The following CCDC146 variants were observed in gnomAD, a reference collection of about 807,000 sequenced individuals.
CCDC146 encodes the protein coiled-coil domain containing 146, also known as coiled-coil domain-containing protein 146.
Under a neutral mutation model 119.3 loss-of-function variants are expected in CCDC146, and 92 were observed. The observed-to-expected ratio is 0.77, with a 90% CI of 0.65 to 0.92. CCDC146 has a LOEUF of 0.92. Among genes scored for constraint, CCDC146 ranks in the 40% least tolerant of loss-of-function variants. CCDC146 has a pLI of 0.00. For missense variants in CCDC146, 1,000 were observed against 1,103.0 expected, an observed-to-expected ratio of 0.91 and a Z score of 1.32; for synonymous variants, 372 against 371.8, an observed-to-expected ratio of 1.00 and a Z score of -0.01.
chr7:77,195,322 T>G (rs1277611516), intron 2 of CCDC146: 1 of 152,224 alleles, frequency 6.6e-6, no homozygotes, highest in East Asian at 1.9e-4. Context: ...ATGAATTACC[T>G]TTAAACCCTG....
intron 9 of CCDC146, among the ~76,000 whole-genome samples, chr7:77,271,535 T>C (rs1381474813): frequency 7.1e-5 from 3 of 42,372 alleles, no homozygotes; most frequent in African/African-American, 5.1e-4. Flanking sequence ...TATATATATA[T>C]ATATATATAT....
chr7:77,178,134 C>G (rs545875412), intron 2 of CCDC146, among the ~76,000 whole-genome samples: 87 of 152,318 alleles, frequency 5.7e-4, no homozygotes, highest in African/African-American at 1.9e-3. Context: ...AAATTGTACA[C>G]TGCAGAAGAG....
At position 77,294,598 on chromosome 7, in the gene CCDC146, C is replaced by T. The variant is rs111272267; in HGVS notation, c.2665-65C>T. ...TCCAGACCAGCTGTGTCTTTTGGGACCTAAGGATAAAGTGACTTCACCAGA... is the reference window on the plus strand; with the variant it reads ...TCCAGACCAGCTGTGTCTTTTGGGATCTAAGGATAAAGTGACTTCACCAGA... On this transcript the variant is annotated intron_variant, in intron 18 of 18. Transcript: ENST00000285871. The T allele has an allele frequency of 6.7e-4, 1,008 of 1,503,546 alleles. 5 individuals are homozygous for T. The African/African-American group carries it at 0.012, about 18-fold the overall frequency. 93.1% of individuals were successfully genotyped at this position (1,503,546 alleles called of 1,614,324 possible).
intron 2 of CCDC146, among the ~76,000 whole-genome samples, chr7:77,219,803 G>A (rs892906493): frequency 1.3e-4 from 20 of 152,092 alleles, no homozygotes; most frequent in Admixed American, 2.6e-4. Context: ...CCCCTGAGCC[G>A]CAAAACCAGC....
intron 6 of CCDC146, 62 bp downstream of exon 6, chr7:77,256,571 T>G: frequency 1.8e-5 from 24 of 1,345,484 alleles, no homozygotes; most frequent in African/African-American, 2.9e-5. Flanking sequence ...AGTGTGTGGG[T>G]ATCAAGAGTA....
intron 2 of CCDC146, among the ~76,000 whole-genome samples, chr7:77,232,456 T>C (rs1294342743): frequency 6.6e-6 from 1 of 152,266 alleles, no homozygotes; most frequent in Non-Finnish European, 1.5e-5. Context: ...TCTATTAGCA[T>C]CACAAAACTA....
At chr7:77,153,969 G>A (rs966469398) in intron 1 of CCDC146, among the ~76,000 whole-genome samples, 3 of 151,692 alleles carry the variant, frequency 2.0e-5, no homozygotes, top group African/African-American at 4.9e-5. Context: ...AATACCATTC[G>A]GCAATTAAGA....
At chr7:77,178,652 T>A (rs1486259813) in intron 2 of CCDC146, among the ~76,000 whole-genome samples, 1 of 152,248 alleles carries the variant, frequency 6.6e-6, no homozygotes, top group African/African-American at 2.4e-5. Context: ...CATTGATTGT[T>A]TACTACTGTT....
intron 4 of CCDC146, among the ~76,000 whole-genome samples, chr7:77,248,286 A>C (rs1792992848): frequency 6.6e-6 from 1 of 152,196 alleles, no homozygotes; most frequent in Non-Finnish European, 1.5e-5. Context: ...GGAGGACAGA[A>C]GGAGGGTGAA....
At chr7:77,180,691 G>A (rs946025118) in intron 2 of CCDC146, among the ~76,000 whole-genome samples, 4 of 152,076 alleles carry the variant, frequency 2.6e-5, no homozygotes, top group Non-Finnish European at 4.4e-5. Context: ...GTGAGACCTC[G>A]TCTCAAAAAA....
intron 3 of CCDC146, among the ~76,000 whole-genome samples, 165 bp from the exon 4 acceptor site, chr7:77,241,526 G>A (rs1792848109): frequency 1.3e-5 from 2 of 152,026 alleles, no homozygotes; most frequent in South Asian, 4.1e-4. Flanking sequence ...TGAATCCACA[G>A]ATGTGGACTC....
intron 2 of CCDC146, among the ~76,000 whole-genome samples, chr7:77,224,953 C>T (rs575723704): frequency 6.6e-6 from 1 of 152,194 alleles, no homozygotes; most frequent in Non-Finnish European, 1.5e-5. Flanking sequence ...AGAGCAGAGA[C>T]TACTCTTTTG....
intron 11 of CCDC146, among the ~76,000 whole-genome samples, chr7:77,276,299 G>C (rs139695569): frequency 6.6e-6 from 1 of 151,674 alleles, no homozygotes. Context: ...TCTAAGTAAG[G>C]ATTTACATAG....
At position 77,274,438 on chromosome 7, in the gene CCDC146, TCAAA is replaced by T. The variant is rs781672328; in HGVS notation, c.1270-39_1270-36del. ...AAGATACTAGCTTTACTGTATTACT[TCAAA>T]CAAATAACTTATAATATTATCTGTG... On this transcript the variant is annotated intron_variant, in intron 10 of 18. Transcript: ENST00000285871. 43 of 1,292,908 alleles carry T rather than the reference TCAAA, an allele frequency of 3.3e-5. No individual in the cohort carries two copies. In the African/African-American group the frequency reaches 5.5e-4, roughly 16 times the overall value. The allele number at this position is 1,292,908 out of a possible 1,614,324, so 80.1% of individuals were successfully genotyped here. A position where few individuals can be genotyped will look rare whatever the true frequency, so the allele number is the denominator to read the frequency against.
intron 4 of CCDC146, among the ~76,000 whole-genome samples, chr7:77,251,466 C>T (rs1339481875): frequency 6.6e-6 from 1 of 152,208 alleles, no homozygotes; most frequent in African/African-American, 2.4e-5. Context: ...CCTGCCATAT[C>T]TGGTTCTGAT....
At chr7:77,231,112 T>A (rs1455495488) in intron 2 of CCDC146, among the ~76,000 whole-genome samples, 1 of 152,202 alleles carries the variant, frequency 6.6e-6, no homozygotes, top group Non-Finnish European at 1.5e-5. Flanking sequence ...GAATCATCCC[T>A]TTGTCCAGCA....
chr7:77,263,171 A>G (rs1793336011), intron 9 of CCDC146, among the ~76,000 whole-genome samples: 2 of 152,334 alleles, frequency 1.3e-5, no homozygotes, highest in South Asian at 4.1e-4. Flanking sequence ...CCTCCTGGGC[A>G]CATAGAAAGT....
At chr7:77,181,556 G>A (rs549336294) in intron 2 of CCDC146, among the ~76,000 whole-genome samples, 5 of 152,262 alleles carry the variant, frequency 3.3e-5, no homozygotes, top group African/African-American at 1.2e-4. Flanking sequence ...GTACATGTAC[G>A]GTCTTAGTAC....
chr7:77,194,049 A>G (rs1168553794), intron 2 of CCDC146: 1 of 152,246 alleles, frequency 6.6e-6, no homozygotes, highest in Admixed American at 6.5e-5. Flanking sequence ...AGTATAATGA[A>G]AAATAAAGTG....
Sources: allele counts gnomAD v4.1 joint callset (sites outside exome capture counted in the v4.1 genomes callset), GRCh38; gene constraint gnomAD v4.1.1; transcripts MANE v1.5; gene names NCBI Gene and HGNC (gene_info 2026-07-23, HGNC 2026-07-21).